MGAT4C: variants seen among roughly 807,000 people sequenced by gnomAD.
MGAT4C encodes the protein MGAT4 family member C.
MGAT4C carries 19 observed loss-of-function variants against 40.1 expected under a neutral mutation model. The ratio of observed to expected loss-of-function variants is 0.47; its 90% confidence interval spans 0.33 to 0.70. MGAT4C has a LOEUF of 0.70. Ranked by LOEUF, MGAT4C falls within the 30% of genes least tolerant of loss-of-function variation. MGAT4C has a pLI of 0.02. For missense variants in MGAT4C, 491 were observed against 563.2 expected, an observed-to-expected ratio of 0.87 and a Z score of 1.30; for synonymous variants, 181 against 187.1, an observed-to-expected ratio of 0.97 and a Z score of 0.27.
chr12:86,576,420 T>A (rs553127263), intron 2 of MGAT4C, among the ~76,000 whole-genome samples: 1 of 152,030 alleles, frequency 6.6e-6, no homozygotes, highest in African/African-American at 2.4e-5. Context: ...GTCCTGAGAC[T>A]TCCCCCAGTG....
chr12:86,061,885 T>C (rs1354873776), intron 1 of MGAT4C, among the ~76,000 whole-genome samples: 1 of 152,114 alleles, frequency 6.6e-6, no homozygotes, highest in Non-Finnish European at 1.5e-5. Context: ...CAGGGACCTA[T>C]AGATAAAACC....
At chr12:86,782,135 G>A (rs1360198101) in intron 1 of MGAT4C, among the ~76,000 whole-genome samples, 7 of 142,678 alleles carry the variant, frequency 4.9e-5, no homozygotes, top group Non-Finnish European at 1.1e-4. Context: ...TGGGACTACA[G>A]CCATCCGCCA....
chr12:86,260,377 G>A (rs1233058123), upstream of MGAT4C, among the ~76,000 whole-genome samples: 2 of 152,038 alleles, frequency 1.3e-5, no homozygotes, highest in East Asian at 3.9e-4. Context: ...ATAGCTATGT[G>A]GTTACTTAGG....
At chr12:86,070,505 A>G (rs1358982801) in intron 1 of MGAT4C, among the ~76,000 whole-genome samples, 1 of 152,108 alleles carries the variant, frequency 6.6e-6, no homozygotes, top group Admixed American at 6.6e-5. Flanking sequence ...GATATTCAGC[A>G]GCAAATATTT....
intron 2 of MGAT4C, among the ~76,000 whole-genome samples, chr12:86,646,201 C>T (rs1167005206): frequency 1.3e-5 from 2 of 151,750 alleles, no homozygotes; most frequent in Non-Finnish European, 1.5e-5. Context: ...AATCTATTAG[C>T]GAAGCAGCAT....
At chr12:86,562,361 G>A (rs1959908159) in intron 2 of MGAT4C, among the ~76,000 whole-genome samples, 1 of 152,060 alleles carries the variant, frequency 6.6e-6, no homozygotes, top group Non-Finnish European at 1.5e-5. Flanking sequence ...AAAAGAATGG[G>A]ACCCTGCCAC....
intron 2 of MGAT4C, among the ~76,000 whole-genome samples, chr12:86,016,690 A>G (rs2136843964): frequency 6.6e-6 from 1 of 152,330 alleles, no homozygotes; most frequent in South Asian, 2.1e-4. Flanking sequence ...TTAGAAGCAC[A>G]TAAAGCTGAG....
chr12:86,489,480 C>T (rs886858000), intron 2 of MGAT4C, among the ~76,000 whole-genome samples: 1 of 152,164 alleles, frequency 6.6e-6, no homozygotes, highest in Non-Finnish European at 1.5e-5. Context: ...AGGGCAGCTG[C>T]CCCAAACTAC....
intron 1 of MGAT4C, among the ~76,000 whole-genome samples, chr12:86,076,518 G>A (rs1201510345): frequency 6.6e-6 from 1 of 152,126 alleles, no homozygotes; most frequent in Non-Finnish European, 1.5e-5. Flanking sequence ...GTTTCATGCT[G>A]CTGATAAAGA....
At chr12:86,326,089 T>G (rs897679080) in intron 4 of MGAT4C, among the ~76,000 whole-genome samples, 1 of 152,208 alleles carries the variant, frequency 6.6e-6, no homozygotes, top group African/African-American at 2.4e-5. Context: ...ATAAGAATAA[T>G]ATTTTATTTT....
upstream of MGAT4C, among the ~76,000 whole-genome samples, chr12:86,258,619 G>A (rs1952591283): frequency 6.6e-6 from 1 of 152,010 alleles, no homozygotes; most frequent in Admixed American, 6.6e-5. Context: ...TTGTTTACAA[G>A]TGAATAAGGT....
At chr12:86,005,660 T>C (rs1887799259) in intron 2 of MGAT4C, among the ~76,000 whole-genome samples, 1 of 152,160 alleles carries the variant, frequency 6.6e-6, no homozygotes, top group African/African-American at 2.4e-5. Flanking sequence ...GTACCAGAAG[T>C]GAAGTCTGAT....
chr12:86,621,554 CT>C (rs1367469796), intron 2 of MGAT4C, among the ~76,000 whole-genome samples: 5 of 152,196 alleles, frequency 3.3e-5, no homozygotes, highest in Non-Finnish European at 7.3e-5. Flanking sequence ...TCAAAGCTCA[CT>C]GCATCCTTGA....
intron 1 of MGAT4C, among the ~76,000 whole-genome samples, chr12:86,110,423 T>C (rs1357660132): frequency 6.8e-6 from 1 of 146,476 alleles, no homozygotes; most frequent in Non-Finnish European, 1.5e-5. Context: ...TTTGGGTTAA[T>C]TTCTTTTTAT....
At chr12:86,708,573 G>C (rs998287419) in intron 2 of MGAT4C, among the ~76,000 whole-genome samples, 5 of 152,076 alleles carry the variant, frequency 3.3e-5, no homozygotes, top group Non-Finnish European at 7.4e-5. Flanking sequence ...GGTGCACCCA[G>C]AAAAGCCACA....
rs953941793 is a variant in MGAT4C at position 85,975,643 on chromosome 12, G to A, written c.*3646C>T. ...ACACAAAGCTGAGGAGGCATAATAA[G>A]ACGTGGAATGACAGAAGCAAGATCT... On this transcript the variant is annotated 3_prime_UTR_variant, in exon 5 of 5. Transcript: ENST00000611864. 1.3e-5 allele frequency: 2 copies of A among 150,772 alleles called. No homozygotes were observed. The highest frequency in any genetic ancestry group is 4.8e-5 in the African/African-American group (2 of 41,296). The allele number at this position is 150,772 out of a possible 1,614,324, so 9.3% of individuals were successfully genotyped here.
At chr12:86,644,808 A>T (rs987016619) in intron 2 of MGAT4C, among the ~76,000 whole-genome samples, 3 of 151,798 alleles carry the variant, frequency 2.0e-5, no homozygotes, top group Non-Finnish European at 4.4e-5. Context: ...AATTAAAAAT[A>T]CATGCAAACC....
intron 2 of MGAT4C, among the ~76,000 whole-genome samples, chr12:86,012,665 T>A (rs1370079086): frequency 6.6e-6 from 1 of 151,726 alleles, no homozygotes; most frequent in Non-Finnish European, 1.5e-5. Flanking sequence ...GGCAGGAGAA[T>A]CGCTTGAACC....
chr12:86,201,404 CTATAT>C (rs1290401746), intron 1 of MGAT4C, among the ~76,000 whole-genome samples: 1 of 150,468 alleles, frequency 6.6e-6, no homozygotes, highest in African/African-American at 2.4e-5. Context: ...ATTAATGAAG[CTATAT>C]TATAAGCCTT....
Sources: gnomAD v4.1 joint callset for allele counts (sites outside exome capture counted in the v4.1 genomes callset) on GRCh38, gnomAD v4.1.1 for gene constraint, MANE v1.5 for transcripts, NCBI Gene and HGNC (gene_info 2026-07-23, HGNC 2026-07-21) for gene names.